Variants in RAB8B observed in about 807,000 individuals in gnomAD.
The protein encoded by RAB8B is RAB8B, member RAS oncogene family.
RAB8B carries 11 observed loss-of-function variants against 32.0 expected under a neutral mutation model. That is an observed-to-expected ratio of 0.34 (90% confidence interval 0.22 to 0.57). The LOEUF (loss-of-function observed/expected upper bound fraction) is 0.57. Among genes scored for constraint, RAB8B ranks in the 20% least tolerant of loss-of-function variants. The probability of loss-of-function intolerance (pLI) is 0.86; values close to 1 mark genes in which losing one functional copy is unlikely to be tolerated. For synonymous variants in RAB8B, 103 were observed against 89.6 expected, an observed-to-expected ratio of 1.15 and a Z score of -0.85; for missense variants, 190 against 258.5, an observed-to-expected ratio of 0.73 and a Z score of 1.82.
At chr15:63,249,332 A>G (rs2038096155) in intron 2 of RAB8B, among the ~76,000 whole-genome samples, 1 of 152,272 alleles carries the variant, frequency 6.6e-6, no homozygotes, top group Middle Eastern at 3.4e-3. Context: ...ACTATTCTCT[A>G]TTCCCTCCCA....
Position 63,203,526 on chromosome 15 carries a change from A to G in RAB8B, c.124+13778A>G, listed in dbSNP as rs191164521. The stretch of plus-strand genomic sequence containing the variant: ...ATGCATATGAATGAAATCAGCCCCT[A>G]GTTCACTGAGGGTAGGTCCAGACAG... On this transcript the variant is annotated intron_variant, in intron 1 of 7. Transcript: ENST00000321437. Among the ~76,000 whole-genome samples the G allele has an allele frequency of 5.3e-4, 81 of 152,358 alleles. 1 individual carries two copies. Among genetic ancestry groups the G allele is most frequent in the Admixed American group, 4.0e-3 (61 of 15,300 alleles).
At chr15:63,212,520 C>T (rs951182794) in intron 1 of RAB8B, among the ~76,000 whole-genome samples, 2 of 152,110 alleles carry the variant, frequency 1.3e-5, no homozygotes, top group African/African-American at 4.8e-5. Context: ...AATTTGGCAT[C>T]ACTTTTGATT....
At chr15:63,256,704 T>A in intron 5 of RAB8B, 110 bp downstream of exon 5, 1 of 756,334 alleles carries the variant, frequency 1.3e-6, no homozygotes, top group Non-Finnish European at 2.1e-6. Context: ...TTAATCCCTT[T>A]AAATTGGATA....
intron 1 of RAB8B, among the ~76,000 whole-genome samples, chr15:63,220,431 T>G (rs2141121432): frequency 6.7e-6 from 1 of 150,100 alleles, no homozygotes; most frequent in Middle Eastern, 3.4e-3. Context: ...ATGAAGTCAA[T>G]TTACTGTGTA....
intron 1 of RAB8B, among the ~76,000 whole-genome samples, chr15:63,228,147 G>A (rs141822425): frequency 0.015 from 2,235 of 152,216 alleles, 48 homozygotes; most frequent in African/African-American, 0.051. Flanking sequence ...CTCCTAAGTA[G>A]TTGGGACTAC....
chr15:63,233,029 T>G (rs2037948138), intron 1 of RAB8B, among the ~76,000 whole-genome samples: 1 of 151,786 alleles, frequency 6.6e-6, no homozygotes, highest in Non-Finnish European at 1.5e-5. Flanking sequence ...TGCCTTGACC[T>G]CTTTTTTTTC....
At chr15:63,249,735 T>A in intron 3 of RAB8B, 30 bp downstream of exon 3, 1 of 1,595,678 alleles carries the variant, frequency 6.3e-7, no homozygotes, top group South Asian at 1.1e-5. Flanking sequence ...TTGTAACTCT[T>A]CAGGTAGAAG....
intron 3 of RAB8B, among the ~76,000 whole-genome samples, chr15:63,252,247 A>T (rs1036809023): frequency 2.0e-5 from 3 of 152,158 alleles, no homozygotes; most frequent in African/African-American, 7.2e-5. Flanking sequence ...GAAGATATAA[A>T]TTAATAATAG....
chr15:63,192,915 G>A (rs1013514960), intron 1 of RAB8B, among the ~76,000 whole-genome samples: 1 of 152,060 alleles, frequency 6.6e-6, no homozygotes, highest in East Asian at 1.9e-4. Context: ...GAAACATAGC[G>A]AGACTCTGTC....
chr15:63,263,380 C>G (rs926770198), intron 7 of RAB8B, 147 bp from the exon 8 acceptor site: 1 of 611,948 alleles, frequency 1.6e-6, no homozygotes, highest in Non-Finnish European at 2.8e-6. Context: ...TTAACTAGTT[C>G]CCGTTCTAAT....
chr15:63,222,519 A>T (rs933030893), intron 1 of RAB8B, among the ~76,000 whole-genome samples: 2 of 152,106 alleles, frequency 1.3e-5, no homozygotes, highest in Non-Finnish European at 2.9e-5. Context: ...CCATAAGTTG[A>T]TGATGATGAT....
chr15:63,263,297 T>C (rs1021870078), intron 7 of RAB8B, among the ~76,000 whole-genome samples: 1 of 152,344 alleles, frequency 6.6e-6, no homozygotes, highest in African/African-American at 2.4e-5. Flanking sequence ...ATTATTGATA[T>C]AAAAGCTGCT....
chr15:63,244,977 A>G (rs1049787081), intron 2 of RAB8B, among the ~76,000 whole-genome samples, 161 bp downstream of exon 2: 1 of 152,250 alleles, frequency 6.6e-6, no homozygotes, highest in Non-Finnish European at 1.5e-5. Context: ...CTTCAAAGGT[A>G]TCTTCACCAA....
intron 1 of RAB8B, among the ~76,000 whole-genome samples, chr15:63,211,949 A>T (rs1299481299): frequency 6.6e-6 from 1 of 152,032 alleles, no homozygotes. Context: ...CTCCCACCTC[A>T]GCTTCCCAAG....
chr15:63,264,613 G>A lies in RAB8B; in HGVS notation c.*994G>A, dbSNP rs562159279. 5.3e-5 allele frequency: 8 copies of A among 152,292 alleles called. No individual in the cohort carries two copies. In the South Asian group the frequency reaches 1.7e-3, roughly 32 times the overall value. The allele number at this position is 152,292 out of a possible 1,614,324, so 9.4% of individuals were successfully genotyped here. On this transcript the variant is annotated 3_prime_UTR_variant, in exon 8 of 8. Transcript: ENST00000321437. ...CATAATCCCTGTCTACAAAAGTTAGGTTTAGATTTTAGTTTGCGGAAACCT... is the reference window on the plus strand; with the variant it reads ...CATAATCCCTGTCTACAAAAGTTAGATTTAGATTTTAGTTTGCGGAAACCT...
intron 1 of RAB8B, among the ~76,000 whole-genome samples, chr15:63,222,732 G>A (rs1385918339): frequency 6.6e-6 from 1 of 152,024 alleles, no homozygotes. Flanking sequence ...GTAGAGATGG[G>A]GTTTCACCAT....
chr15:63,232,879 C>T (rs2037946839), intron 1 of RAB8B, among the ~76,000 whole-genome samples: 1 of 152,090 alleles, frequency 6.6e-6, no homozygotes, highest in Middle Eastern at 3.4e-3. Flanking sequence ...AAACTTTAGA[C>T]TTCCTAATTT....
chr15:63,264,784 A>G lies in RAB8B; in HGVS notation c.*1165A>G, dbSNP rs1397705671. 2.6e-5 allele frequency: 4 copies of G among 152,296 alleles called. No individual in the cohort carries two copies. The highest frequency in any genetic ancestry group is 4.4e-5 in the Non-Finnish European group (3 of 68,030). 9.4% of individuals were successfully genotyped at this position (152,296 alleles called of 1,614,324 possible). On this transcript the variant is annotated 3_prime_UTR_variant, in exon 8 of 8. Coordinates refer to ENST00000321437, the MANE Select transcript of RAB8B (RefSeq NM_016530.3). ...CTTAGACCTAGTGCAGCCTCTAGGA[A>G]AAGTCTTGCCTTTTCATTAGAGAAA...
chr15:63,214,054 C>T (rs2037770099), intron 1 of RAB8B, among the ~76,000 whole-genome samples: 1 of 151,698 alleles, frequency 6.6e-6, no homozygotes, highest in South Asian at 2.1e-4. Flanking sequence ...GCACTCCAGC[C>T]TGGGTGACAG....
Sources: gnomAD v4.1 joint callset for allele counts (sites outside exome capture counted in the v4.1 genomes callset) on GRCh38, gnomAD v4.1.1 for gene constraint, MANE v1.5 for transcripts, NCBI Gene and HGNC (gene_info 2026-07-23, HGNC 2026-07-21) for gene names.